The following ADGRG2 variants were observed in gnomAD, a reference collection of about 807,000 sequenced individuals.
ADGRG2 encodes the protein adhesion G protein-coupled receptor G2.
ADGRG2 carries 26 observed loss-of-function variants against 74.1 expected under a neutral mutation model. That is an observed-to-expected ratio of 0.35 (90% CI 0.26 to 0.49). The LOEUF is 0.49. Ranked by LOEUF, ADGRG2 falls within the 20% of genes least tolerant of loss-of-function variation. ADGRG2 has a pLI of 0.99. For missense variants in ADGRG2, 619 were observed against 763.1 expected (o/e 0.81, Z 2.22); for synonymous variants, 296 against 295.2 (o/e 1.00, Z -0.03).
rs375781568 is a variant in ADGRG2, at chrX:19,098,165, GT to G, written c.-46-15420del. Among the ~76,000 whole-genome samples the G allele has an allele frequency of 1.4e-4, 15 of 108,904 alleles. No individual in the cohort carries two copies. The Middle Eastern group carries it at 0.014, about 104-fold the overall frequency. 94.6% of individuals were successfully genotyped at this position (108,904 alleles called of 115,157 possible). A position where few individuals can be genotyped will look rare whatever the true frequency, so the allele number is the denominator to read the frequency against. ...CCTTTTCACTCAATTTCTCTTCTATGTTTTTTTTTTCCTTTACTTCTAGAGA... is the reference window on the plus strand; with the variant it reads ...CCTTTTCACTCAATTTCTCTTCTATGTTTTTTTTTCCTTTACTTCTAGAGA... On this transcript the variant is annotated intron_variant, in intron 1 of 28. Transcript: ENST00000379869.
At chrX:18,991,927 T>G (rs1367385011) in intron 28 of ADGRG2, among the ~76,000 whole-genome samples, 3 of 112,106 alleles carry the variant, frequency 2.7e-5, no homozygotes, top group Non-Finnish European at 5.6e-5. Flanking sequence ...TGGGTACTAC[T>G]GTTATCCCCA....
At chrX:18,994,472 G>A (rs2059980100) in intron 28 of ADGRG2, among the ~76,000 whole-genome samples, 2 of 109,543 alleles carry the variant, frequency 1.8e-5, no homozygotes, top group South Asian at 8.0e-4. Flanking sequence ...ACTCCAGCCT[G>A]GGCAACAAGA....
intron 13 of ADGRG2, 55 bp from the exon 14 acceptor site, chrX:19,021,253 A>G: frequency 4.7e-6 from 3 of 643,753 alleles, no homozygotes; most frequent in Non-Finnish European, 5.1e-6. Flanking sequence ...ACCTACTTAC[A>G]TATTTGTAAT....
chrX:19,039,712 A>G (rs2061016700), intron 4 of ADGRG2, among the ~76,000 whole-genome samples: 1 of 112,127 alleles, frequency 8.9e-6, no homozygotes, highest in South Asian at 3.7e-4. Flanking sequence ...GCACTTGCCA[A>G]TCTGGGTTCT....
rs1292481099 is a variant in ADGRG2, at chrX:19,040,214, A to G, written c.129T>C (p.Asp43=). The change falls in exon 4 of 29, where the codon GAT becomes GAC. Residue 43 remains aspartate (D), a synonymous_variant. Coordinates refer to ENST00000379869, the MANE Select transcript of ADGRG2 (RefSeq NM_001079858.3). The stretch of plus-strand genomic sequence containing the variant: ...CAGGTGGTGGTGACAAACTGGAATT[A>G]TCAGTATCTTCTGTTGAGGAAAAGA... ...VLVTSLEEDT[D]NSSLSPPPAK... 1 of 1,153,336 alleles carries G rather than the reference A, an allele frequency of 8.7e-7. No individual in the cohort carries two copies. Among genetic ancestry groups the G allele is most frequent in the South Asian group, 1.9e-5 (1 of 53,848 alleles).
intron 10 of ADGRG2, among the ~76,000 whole-genome samples, chrX:19,027,691 T>C: frequency 8.9e-6 from 1 of 112,222 alleles, no homozygotes; most frequent in East Asian, 2.8e-4. Context: ...GCTGTATTTC[T>C]AGCAATGAGC....
rs989475334 is a variant in ADGRG2, at chrX:19,015,665, G to A, written c.711-1591C>T. Among the ~76,000 whole-genome samples the A allele has an allele frequency of 3.6e-5, 4 of 112,130 alleles. No individual in the cohort carries two copies. The Admixed American group carries it at 3.8e-4, about 11-fold the overall frequency. ...ACCCGGGTAGCGGAGGTTGCAGTGA[G>A]CCAAGATTGTACCACTGCACTCCAG... On this transcript the variant is annotated intron_variant, in intron 15 of 28. Coordinates refer to ENST00000379869, the MANE Select transcript of ADGRG2 (RefSeq NM_001079858.3).
intron 3 of ADGRG2, among the ~76,000 whole-genome samples, chrX:19,043,395 A>G (rs1373406414): frequency 9.0e-6 from 1 of 111,587 alleles, no homozygotes; most frequent in African/African-American, 3.3e-5. Context: ...AGTGAGTCAT[A>G]TATTTGAGCT....
At chrX:19,004,634 A>G (rs1269327215) in intron 23 of ADGRG2, 124 bp downstream of exon 23, 6 of 617,556 alleles carry the variant, frequency 9.7e-6, no homozygotes, top group African/African-American at 2.3e-5. Context: ...AAGTTGATAC[A>G]TGGATGCTCC....
chrX:19,069,365 G>GT (rs1424901085), intron 2 of ADGRG2, among the ~76,000 whole-genome samples: 2 of 109,805 alleles, frequency 1.8e-5, no homozygotes, highest in East Asian at 2.9e-4. Context: ...TTTGTTTTTT[G>GT]TTTTTTTTGA....
rs1049613832 is a variant in ADGRG2 at position 19,010,719 on chromosome X, C to A, written c.1159G>T (p.Ala387Ser). The change falls in exon 17 of 29, where the codon GCT (alanine) becomes TCT (serine). Residue 387 changes from alanine (A) to serine (S), a missense_variant. Physicochemically the swap from Ala to Ser is moderately conservative, Grantham distance 99. Transcript: ENST00000379869. ...GGCTCCAGGCTGCCCAAGGACAGAG[C>A]CTTCTCCATCTGCAACACTTGGTTC... ...LENQVLQMEK[A>S]LSLGSLEPNL... The A allele has an allele frequency of 8.3e-7, 1 of 1,204,160 alleles. No homozygotes were observed. The highest frequency in any genetic ancestry group is 1.8e-5 in the South Asian group (1 of 56,503).
chrX:19,066,437 G>A (rs1372100220), intron 3 of ADGRG2, among the ~76,000 whole-genome samples: 2 of 100,342 alleles, frequency 2.0e-5, no homozygotes, highest in Non-Finnish European at 4.0e-5. Flanking sequence ...TTCCTAATGA[G>A]GATGCTTCTT....
intron 2 of ADGRG2, among the ~76,000 whole-genome samples, chrX:19,080,478 T>C (rs956102063): frequency 7.2e-5 from 8 of 111,062 alleles, no homozygotes; most frequent in African/African-American, 2.3e-4. Context: ...CCACCACTTA[T>C]AGTGTAAACT....
intron 15 of ADGRG2, among the ~76,000 whole-genome samples, chrX:19,015,414 T>C (rs1466883477): frequency 1.8e-5 from 2 of 112,063 alleles, no homozygotes; most frequent in African/African-American, 3.2e-5. Flanking sequence ...GTCAGAAACA[T>C]CATGAGTCAA....
At position 19,031,053 on chromosome X, in the gene ADGRG2, A is replaced by C; in HGVS notation, c.305-16T>G. On this transcript the variant is annotated splice_polypyrimidine_tract_variant and intron_variant, in intron 8 of 28. Coordinates refer to ENST00000379869, the MANE Select transcript of ADGRG2 (RefSeq NM_001079858.3). ...GGTTTGACGCCTGCAAAGAAAACAC[A>C]ACCCAGCTGGTTAAGCATGTCAATG... 2.6e-6 allele frequency: 3 copies of C among 1,157,094 alleles called. No individual in the cohort carries two copies. The highest frequency in any genetic ancestry group is 3.6e-5 in the South Asian group (2 of 55,587).
intron 3 of ADGRG2, among the ~76,000 whole-genome samples, chrX:19,060,881 C>T (rs2061480448): frequency 9.0e-6 from 1 of 111,406 alleles, no homozygotes; most frequent in Non-Finnish European, 1.9e-5. Flanking sequence ...CCAGGTGATT[C>T]CAATGTGCAC....
chrX:19,028,502 CAAATA>C (rs1454756535), intron 9 of ADGRG2, among the ~76,000 whole-genome samples: 1 of 111,324 alleles, frequency 9.0e-6, no homozygotes, highest in Non-Finnish European at 1.9e-5. Flanking sequence ...TATCTGGAAA[CAAATA>C]AAATAGAGAC....
chrX:19,113,806 C>T (rs767413443), intron 1 of ADGRG2, among the ~76,000 whole-genome samples: 96 of 111,917 alleles, frequency 8.6e-4, no homozygotes, highest in African/African-American at 2.8e-3. Context: ...CGGTGGCTCA[C>T]GCCTGTAATC....
chrX:19,099,590 G>A (rs985448222), intron 1 of ADGRG2, among the ~76,000 whole-genome samples: 3 of 112,363 alleles, frequency 2.7e-5, no homozygotes, highest in Admixed American at 1.9e-4. Flanking sequence ...ACAAGCATTT[G>A]AACTTGGGCT....
Sources: allele counts gnomAD v4.1 joint callset (sites outside exome capture counted in the v4.1 genomes callset), GRCh38; gene constraint gnomAD v4.1.1; transcripts MANE v1.5; gene names NCBI Gene and HGNC (gene_info 2026-07-23, HGNC 2026-07-21).